AOX1: variants seen among roughly 807,000 people sequenced by gnomAD.
The protein encoded by AOX1 is aldehyde oxidase.
A neutral mutation model predicts 169.5 loss-of-function variants in AOX1; 153 were observed. That is an observed-to-expected ratio of 0.90 (90% CI 0.79 to 1.03). The LOEUF is 1.03. AOX1 is among the 50% of genes least tolerant of loss of function. The pLI, the probability that AOX1 is intolerant of heterozygous loss-of-function variation, is 0.00. For synonymous variants in AOX1, 562 were observed against 581.9 expected (o/e 0.97, Z 0.49); for missense variants, 1,656 against 1,663.9 (o/e 1.00, Z 0.08).
intron 13 of AOX1, 112 bp from the exon 14 acceptor site, chr2:200,612,497 C>A: frequency 9.6e-7 from 1 of 1,041,976 alleles, no homozygotes; most frequent in Non-Finnish European, 1.5e-6. Flanking sequence ...GTAGGTGACA[C>A]TCAACACACA....
At chr2:200,599,891 T>A (rs1403618110) in intron 5 of AOX1, 145 bp downstream of exon 5, 1 of 523,186 alleles carries the variant, frequency 1.9e-6, no homozygotes, top group East Asian at 3.5e-5. Context: ...GTTCAAGCAA[T>A]TCTTGTGCCT....
At chr2:200,637,851 G>C (rs1324064352) in intron 22 of AOX1, among the ~76,000 whole-genome samples, 2 of 152,132 alleles carry the variant, frequency 1.3e-5, no homozygotes, top group African/African-American at 4.8e-5. Context: ...TCTCCTATCA[G>C]GGAGCACTTG....
chr2:200,673,919 G>C (rs974724699), downstream of AOX1, among the ~76,000 whole-genome samples: 14 of 152,178 alleles, frequency 9.2e-5, no homozygotes, highest in Non-Finnish European at 1.8e-4. Flanking sequence ...CCTTGGGTCT[G>C]ACTGCCACTA....
chr2:200,670,944 A>G lies in AOX1; in HGVS notation c.*265A>G, dbSNP rs2105780247. 2.6e-6 allele frequency: 1 copy of G among 381,016 alleles called. No homozygotes were observed. Among genetic ancestry groups the G allele is most frequent in the Non-Finnish European group, 4.7e-6 (1 of 212,974 alleles). The allele number at this position is 381,016 out of a possible 1,614,324, so 23.6% of individuals were successfully genotyped here. On this transcript the variant is annotated 3_prime_UTR_variant, in exon 35 of 35. Transcript: ENST00000374700. ...ATATCCGTCATTACTCTGTCTCTTC[A>G]ATCCATCCAGCTAAATGGAATAGGT... is the stretch of plus-strand genomic sequence containing the variant.
intron 22 of AOX1, among the ~76,000 whole-genome samples, chr2:200,637,912 C>T (rs78602157): frequency 0.061 from 9,335 of 152,116 alleles, 677 homozygotes; most frequent in African/African-American, 0.17. Flanking sequence ...GACCTTGGGA[C>T]GATTTGCCTA....
In AOX1 at chr2:200,671,111, A is replaced by G; in HGVS notation, c.*432A>G. The stretch of plus-strand genomic sequence containing the variant: ...TTTTCATTTGTCCTTTTCTGCTATC[A>G]CCTTCCTCTTGTCAGAATGAATATA... On this transcript the variant is annotated 3_prime_UTR_variant, in exon 35 of 35. Coordinates refer to ENST00000374700, the MANE Select transcript of AOX1 (RefSeq NM_001159.4). 6.4e-6 allele frequency: 1 copy of G among 156,542 alleles called. No individual in the cohort carries two copies. The highest frequency in any genetic ancestry group is 1.4e-5 in the Non-Finnish European group (1 of 70,718). 9.7% of individuals were successfully genotyped at this position (156,542 alleles called of 1,614,324 possible). A position where few individuals can be genotyped will look rare whatever the true frequency, so the allele number is the denominator to read the frequency against.
At chr2:200,663,545 AAC>A (rs530782102) in intron 31 of AOX1, among the ~76,000 whole-genome samples, 1,552 of 117,654 alleles carry the variant, frequency 0.013, 21 homozygotes, top group African/African-American at 0.04. Context: ...CATACACACA[AAC>A]ACACACACAC....
chr2:200,642,810 A>G lies in AOX1; in HGVS notation c.2847+9A>G. On this transcript the variant is annotated intron_variant, in intron 25 of 34. Transcript: ENST00000374700. ...GACTATCCCCTGAGAAGGTAATACT[A>G]AATCAGCTTCACAGACAAAACATGT... The G allele has an allele frequency of 6.2e-7, 1 of 1,606,348 alleles. No homozygotes were observed. Among genetic ancestry groups the G allele is most frequent in the Non-Finnish European group, 8.5e-7 (1 of 1,175,242 alleles).
Position 200,666,743 on chromosome 2 carries a change from C to G in AOX1, c.3600C>G (p.Asp1200Glu). 6.2e-7 allele frequency: 1 copy of G among 1,611,152 alleles called. No homozygotes were observed. Among genetic ancestry groups the G allele is most frequent in the Non-Finnish European group, 8.5e-7 (1 of 1,178,990 alleles). ...GCTGCAGTATAAATCCAGCCATTGACATAGGCCAGGTACGTGTAACTGATG... is the reference window on the plus strand; with the variant it reads ...GCTGCAGTATAAATCCAGCCATTGAGATAGGCCAGGTACGTGTAACTGATG... ...DVGCSINPAI[D>E]IGQIEGAFIQ... Residue 1200 changes from aspartate to glutamate, a missense_variant, in exon 32 of 35, where the codon GAC (aspartate) becomes GAG (glutamate). Coordinates refer to ENST00000374700, the MANE Select transcript of AOX1 (RefSeq NM_001159.4).
Position 200,670,965 on chromosome 2 carries a change from T to G in AOX1, c.*286T>G, listed in dbSNP as rs1315687800. 2.9e-6 allele frequency: 1 copy of G among 341,038 alleles called. No individual in the cohort carries two copies. The highest frequency in any genetic ancestry group is 4.6e-5 in the East Asian group (1 of 21,850). 21.1% of individuals were successfully genotyped at this position (341,038 alleles called of 1,614,324 possible). Reference sequence around the variant, plus strand: ...CTTCAATCCATCCAGCTAAATGGAATAGGTGATGACTTGCATGTGACTCCT... The same window carrying G: ...CTTCAATCCATCCAGCTAAATGGAAGAGGTGATGACTTGCATGTGACTCCT... On this transcript the variant is annotated 3_prime_UTR_variant, in exon 35 of 35. Transcript: ENST00000374700.
intron 25 of AOX1, among the ~76,000 whole-genome samples, chr2:200,648,585 T>C (rs1033707060): frequency 2.6e-5 from 4 of 152,206 alleles, no homozygotes; most frequent in Non-Finnish European, 5.9e-5. Context: ...GAGGTGGCAC[T>C]TTCCAGAAAG....
chr2:200,625,887 G>A (rs572343042), intron 19 of AOX1, among the ~76,000 whole-genome samples: 2 of 152,192 alleles, frequency 1.3e-5, no homozygotes, highest in Admixed American at 1.3e-4. Context: ...CTATCACAAA[G>A]ATTTAATCTG....
chr2:200,599,137 C>T (rs1185372296), intron 4 of AOX1, among the ~76,000 whole-genome samples: 1 of 152,132 alleles, frequency 6.6e-6, no homozygotes, highest in Non-Finnish European at 1.5e-5. Flanking sequence ...GGGAGGGAAA[C>T]GTATAAAAGA....
chr2:200,586,627 G>C (rs1046207792), intron 1 of AOX1, among the ~76,000 whole-genome samples: 2 of 152,246 alleles, frequency 1.3e-5, no homozygotes, highest in African/African-American at 2.4e-5. Context: ...TTCGGGACAA[G>C]ACCGTAGAGA....
chr2:200,603,415 A>G (rs917699850), intron 7 of AOX1, 59 bp downstream of exon 7: 4 of 1,367,058 alleles, frequency 2.9e-6, no homozygotes, highest in East Asian at 4.6e-5. Flanking sequence ...GAGCCAACAT[A>G]CTCTTAGGAA....
At chr2:200,661,698 C>T (rs2035832529) in intron 30 of AOX1, 67 bp downstream of exon 30, 9 of 1,335,368 alleles carry the variant, frequency 6.7e-6, no homozygotes, top group Non-Finnish European at 3.2e-6. Context: ...AGTTTCAGTT[C>T]CCTTGCAATT....
chr2:200,615,014 AT>A (rs55905167), intron 15 of AOX1, among the ~76,000 whole-genome samples: 122,478 of 149,922 alleles, frequency 0.82, 50,378 homozygotes, highest in East Asian at 0.89. Context: ...GTTTTATTTA[AT>A]TTTTTTTTTT....
At chr2:200,588,677 G>A (rs946489125) in intron 1 of AOX1, among the ~76,000 whole-genome samples, 1 of 140,942 alleles carries the variant, frequency 7.1e-6, no homozygotes, top group African/African-American at 2.6e-5. Flanking sequence ...GTGTGCTTCG[G>A]TACTTAATAA....
chr2:200,637,071 A>G, intron 22 of AOX1, 27 bp downstream of exon 22: 1 of 1,612,830 alleles, frequency 6.2e-7, no homozygotes, highest in Non-Finnish European at 8.5e-7. Context: ...TGCTAAAAAT[A>G]AAGTGAAGTC....
Sources: gnomAD v4.1 joint callset for allele counts (sites outside exome capture counted in the v4.1 genomes callset) on GRCh38, gnomAD v4.1.1 for gene constraint, MANE v1.5 for transcripts, NCBI Gene and HGNC (gene_info 2026-07-23, HGNC 2026-07-21) for gene names.